IFT80: variants seen among roughly 807,000 people sequenced by gnomAD.
IFT80 encodes intraflagellar transport protein 80 homolog.
A neutral mutation model predicts 107.9 loss-of-function variants in IFT80; 79 were observed. The ratio of observed to expected loss-of-function variants is 0.73; its 90% CI spans 0.61 to 0.88. IFT80 has a LOEUF of 0.88. IFT80 is among the 40% of genes least tolerant of loss of function. The probability of loss-of-function intolerance (pLI) is 0.00; values close to 1 mark genes in which losing one functional copy is unlikely to be tolerated. For missense variants in IFT80, 797 were observed against 914.2 expected (o/e 0.87, Z 1.65); for synonymous variants, 299 against 300.9 (o/e 0.99, Z 0.07).
intron 10 of IFT80, among the ~76,000 whole-genome samples, chr3:160,305,398 T>C (rs558889518): frequency 3.0e-4 from 46 of 152,292 alleles, no homozygotes; most frequent in African/African-American, 1.1e-3. Flanking sequence ...TAATTACTGA[T>C]TTAGTAATTA....
intron 5 of IFT80, among the ~76,000 whole-genome samples, chr3:160,375,469 T>C (rs1029344334): frequency 7.9e-5 from 12 of 152,168 alleles, no homozygotes; most frequent in African/African-American, 2.9e-4. Context: ...CGTACTATGA[T>C]TTACTTAACT....
At chr3:160,381,830 T>C in intron 2 of IFT80, 106 bp from the exon 3 acceptor site, 1 of 880,852 alleles carries the variant, frequency 1.1e-6, no homozygotes, top group Non-Finnish European at 1.9e-6. Context: ...TCAAATGGTT[T>C]CAAGATTCTA....
intron 5 of IFT80, among the ~76,000 whole-genome samples, chr3:160,374,872 G>A (rs1711877941): frequency 6.6e-6 from 1 of 152,102 alleles, no homozygotes. Flanking sequence ...TTCTACTCAT[G>A]AATAAATATT....
In IFT80 at chr3:160,260,950, C is replaced by T. The variant is rs1048795436; in HGVS notation, c.2224-2315G>A. ...ACTTTATTTTCCTTCCTTGCATTCA[C>T]GAACTTACCTGTATCTACACCCATC... On this transcript the variant is annotated intron_variant, in intron 19 of 19. Coordinates refer to ENST00000326448, the MANE Select transcript of IFT80 (RefSeq NM_020800.3). Among the ~76,000 whole-genome samples, 6 of 151,724 alleles carry T rather than the reference C, an allele frequency of 4.0e-5. No homozygotes were observed. In the South Asian group the frequency reaches 6.2e-4, roughly 16 times the overall value.
At chr3:160,342,323 A>G (rs1188599651) in intron 8 of IFT80, among the ~76,000 whole-genome samples, 1 of 152,182 alleles carries the variant, frequency 6.6e-6, no homozygotes, top group African/African-American at 2.4e-5. Context: ...CGAAATAAGC[A>G]ATCATACTAA....
At chr3:160,295,640 ATC>A (rs1236250348) in intron 12 of IFT80, among the ~76,000 whole-genome samples, 1 of 152,096 alleles carries the variant, frequency 6.6e-6, no homozygotes, top group Non-Finnish European at 1.5e-5. Flanking sequence ...GCAATCCCAC[ATC>A]TGAGTGTTTA....
At chr3:160,292,660 A>T (rs1212492100) in intron 12 of IFT80, among the ~76,000 whole-genome samples, 1 of 151,854 alleles carries the variant, frequency 6.6e-6, no homozygotes, top group Non-Finnish European at 1.5e-5. Flanking sequence ...TTACATTTTT[A>T]GTAGAGACGG....
Position 160,279,340 on chromosome 3 carries a change from A to G in IFT80, c.1689T>C (p.Ile563=). 1.9e-6 allele frequency: 3 copies of G among 1,613,504 alleles called. No homozygotes were observed. The highest frequency in any genetic ancestry group is 2.5e-6 in the Non-Finnish European group (3 of 1,179,540). ...DASEFSKNPH[I]VSFVGNQVTI... is the part of the protein sequence containing the mutation. ...TTACTTGATTTCCAACAAAACTCACAATATGGGGATTTTTACTAAATTCAC... is the reference window on the plus strand; with the variant it reads ...TTACTTGATTTCCAACAAAACTCACGATATGGGGATTTTTACTAAATTCAC... Residue 563 remains isoleucine (I), a synonymous_variant, in exon 16 of 20, where the codon ATT becomes ATC. Coordinates refer to ENST00000326448, the MANE Select transcript of IFT80 (RefSeq NM_020800.3).
At chr3:160,352,812 A>G (rs1164696205) in intron 8 of IFT80, among the ~76,000 whole-genome samples, 3 of 152,134 alleles carry the variant, frequency 2.0e-5, no homozygotes, top group Non-Finnish European at 2.9e-5. Context: ...GTCTCTTTCT[A>G]CTTATACAGC....
intron 12 of IFT80, among the ~76,000 whole-genome samples, chr3:160,295,732 A>T (rs922690961): frequency 1.2e-4 from 18 of 152,232 alleles, no homozygotes; most frequent in African/African-American, 4.3e-4. Flanking sequence ...AATAATCAAG[A>T]TGTAGAAACA....
At chr3:160,374,723 CA>C (rs1277441520) in intron 5 of IFT80, among the ~76,000 whole-genome samples, 2 of 152,030 alleles carry the variant, frequency 1.3e-5, no homozygotes, top group African/African-American at 4.8e-5. Flanking sequence ...TCTATGAAGC[CA>C]AAAGTAAATC....
chr3:160,290,117 C>A lies in IFT80; in HGVS notation c.1316-4249G>T, dbSNP rs555022299. ...ACCAGAACACCTCCCCCACCTACTA[C>A]TGAAAGTCCTAATGGGGCCGGGCTC... On this transcript the variant is annotated intron_variant, in intron 12 of 19. Transcript: ENST00000326448. Among the ~76,000 whole-genome samples, 3 of 152,222 alleles carry A rather than the reference C, an allele frequency of 2.0e-5. No individual in the cohort carries two copies. The South Asian group carries it at 6.2e-4, about 32-fold the overall frequency.
rs576379128 is a variant in IFT80, at chr3:160,374,265, C to T, written c.439+1547G>A. Reference sequence around the variant, plus strand: ...GTTCAAGACCAGCCTGGGAACATGGCAAAATCCCGGCTCTACACATGTACT... The same window carrying T: ...GTTCAAGACCAGCCTGGGAACATGGTAAAATCCCGGCTCTACACATGTACT... On this transcript the variant is annotated intron_variant, in intron 5 of 19. Transcript: ENST00000326448. Among the ~76,000 whole-genome samples the T allele has an allele frequency of 9.2e-5, 14 of 151,800 alleles. No individual in the cohort carries two copies. The Middle Eastern group carries it at 0.014, about 149-fold the overall frequency.
intron 4 of IFT80, 66 bp from the exon 5 acceptor site, chr3:160,375,946 TGC>T: frequency 9.5e-7 from 1 of 1,054,664 alleles, no homozygotes. Flanking sequence ...ACATTAAATT[TGC>T]ATATAAGAAT....
At chr3:160,280,919 G>C in intron 14 of IFT80, 105 bp from the exon 15 acceptor site, 1 of 945,834 alleles carries the variant, frequency 1.1e-6, no homozygotes, top group Admixed American at 2.0e-5. Context: ...ATTTCTGGTA[G>C]ATATGACTCT....
chr3:160,395,322 T>C (rs903693056), intron 1 of IFT80, among the ~76,000 whole-genome samples: 1 of 152,224 alleles, frequency 6.6e-6, no homozygotes. Context: ...TTAAATGAGA[T>C]AAAGTATGTA....
intron 8 of IFT80, among the ~76,000 whole-genome samples, chr3:160,326,130 C>T (rs920200143): frequency 1.3e-5 from 2 of 151,830 alleles, no homozygotes; most frequent in African/African-American, 2.4e-5. Flanking sequence ...GCACACGTAC[C>T]CCTGAACTCA....
At chr3:160,346,135 G>C (rs1720276965) in intron 8 of IFT80, among the ~76,000 whole-genome samples, 1 of 152,162 alleles carries the variant, frequency 6.6e-6, no homozygotes, top group African/African-American at 2.4e-5. Flanking sequence ...GGGAAATGCT[G>C]ATCAAAGGGT....
At chr3:160,353,419 T>C (rs936742365) in intron 8 of IFT80, among the ~76,000 whole-genome samples, 15 of 152,196 alleles carry the variant, frequency 9.9e-5, no homozygotes, top group Non-Finnish European at 2.1e-4. Context: ...CAGAACAGAA[T>C]TAGATTTTAA....
Sources: gnomAD v4.1 joint callset for allele counts (sites outside exome capture counted in the v4.1 genomes callset) on GRCh38, gnomAD v4.1.1 for gene constraint, MANE v1.5 for transcripts, NCBI Gene and HGNC (gene_info 2026-07-23, HGNC 2026-07-21) for gene names.